Variants in EDNRB observed in about 807,000 individuals in gnomAD.
The protein encoded by EDNRB is endothelin receptor type B.
In EDNRB, 18 loss-of-function variants were observed where a neutral mutation model predicts 46.4. That is an observed-to-expected ratio of 0.39 (90% CI 0.27 to 0.57). The LOEUF (loss-of-function observed/expected upper bound fraction) is 0.57. Ranked by LOEUF, EDNRB falls within the 20% of genes least tolerant of loss-of-function variation. EDNRB has a pLI of 0.61. For missense variants in EDNRB, 434 were observed against 537.5 expected (o/e 0.81, Z 1.90); for synonymous variants, 213 against 204.9 (o/e 1.04, Z -0.34).
chr13:77,917,505 C>T (rs1755932474), intron 1 of EDNRB, among the ~76,000 whole-genome samples: 1 of 152,168 alleles, frequency 6.6e-6, no homozygotes, highest in South Asian at 2.1e-4. Context: ...GTGGGCATAT[C>T]AATCACATGA....
At chr13:77,957,983 T>G (rs528631423) in intron 1 of EDNRB, among the ~76,000 whole-genome samples, 1 of 152,204 alleles carries the variant, frequency 6.6e-6, no homozygotes, top group African/African-American at 2.4e-5. Context: ...CTTTTTAAAA[T>G]GTTGAGTGAT....
In EDNRB at chr13:77,898,109, G is replaced by GT. The variant is rs1159832275; in HGVS notation, c.*90dup. On this transcript the variant is annotated 3_prime_UTR_variant, in exon 7 of 7. Transcript: ENST00000646607. ...TAATAGTGTGCTGTGCAAATACATA[G>GT]TTTTTTGTTTTGTTTTGGCAAATGT... The GT allele has an allele frequency of 3.9e-6, 6 of 1,548,588 alleles. No homozygotes were observed. The highest frequency in any genetic ancestry group is 1.9e-5 in the Admixed American group (1 of 53,042).
intron 1 of EDNRB, among the ~76,000 whole-genome samples, chr13:77,940,460 A>T (rs1012859472): frequency 6.6e-6 from 1 of 152,148 alleles, no homozygotes; most frequent in African/African-American, 2.4e-5. Flanking sequence ...AATACATAAA[A>T]CCCTCTCATC....
upstream of EDNRB, among the ~76,000 whole-genome samples, chr13:77,923,039 A>G (rs768702254): frequency 1.1e-4 from 16 of 152,168 alleles, no homozygotes; most frequent in Non-Finnish European, 1.0e-4. Flanking sequence ...AACGTTATCA[A>G]TGATTGCTTG....
At chr13:77,904,180 C>G (rs567596249) in intron 1 of EDNRB, among the ~76,000 whole-genome samples, 30 of 151,772 alleles carry the variant, frequency 2.0e-4, no homozygotes, top group Non-Finnish European at 3.8e-4. Context: ...GCTGTAGGTC[C>G]TTCCTTATCC....
At chr13:77,936,492 T>C (rs1437183561) in intron 1 of EDNRB, among the ~76,000 whole-genome samples, 1 of 152,018 alleles carries the variant, frequency 6.6e-6, no homozygotes, top group Non-Finnish European at 1.5e-5. Context: ...CCATATTAAT[T>C]AAGAAGGGGG....
At chr13:77,900,025 A>G (rs1287278292) in intron 5 of EDNRB, 58 bp from the exon 6 acceptor site, 1 of 1,433,746 alleles carries the variant, frequency 7.0e-7, no homozygotes, top group African/African-American at 1.4e-5. Context: ...ACATGTAGTC[A>G]TTGTAGCTTC....
chr13:77,953,484 A>G (rs1052560149), intron 1 of EDNRB, among the ~76,000 whole-genome samples: 2 of 152,136 alleles, frequency 1.3e-5, no homozygotes, highest in Non-Finnish European at 2.9e-5. Context: ...TGAAGAGAGA[A>G]GGATTAGCCA....
intron 1 of EDNRB, among the ~76,000 whole-genome samples, chr13:77,933,707 A>G (rs4315250): frequency 0.9 from 136,304 of 152,070 alleles, 61,181 homozygotes; most frequent in East Asian, 0.98. Flanking sequence ...AAATTTTGGG[A>G]GATGGTATGG....
intron 3 of EDNRB, among the ~76,000 whole-genome samples, chr13:77,902,585 G>A (rs12720189): frequency 0.084 from 12,755 of 151,660 alleles, 710 homozygotes; most frequent in Non-Finnish European, 0.12. Context: ...TGTCCTTCCC[G>A]CTGAAACTAC....
At chr13:77,917,456 T>C (rs1879867455) in intron 1 of EDNRB, among the ~76,000 whole-genome samples, 1 of 152,232 alleles carries the variant, frequency 6.6e-6, no homozygotes. Flanking sequence ...TTGTACCTGC[T>C]ACTTTCAAAG....
intron 6 of EDNRB, among the ~76,000 whole-genome samples, chr13:77,898,563 CAACAAG>C (rs1356841789): frequency 1.3e-5 from 2 of 151,922 alleles, no homozygotes; most frequent in African/African-American, 4.8e-5. Context: ...TAAAATTTCT[CAACAAG>C]AGAAAGCCAC....
At chr13:77,950,174 G>A (rs558999450) in intron 1 of EDNRB, among the ~76,000 whole-genome samples, 1 of 152,274 alleles carries the variant, frequency 6.6e-6, no homozygotes, top group East Asian at 1.9e-4. Context: ...ACTTATCTAT[G>A]AATTTTCCCG....
chr13:77,951,338 G>A (rs1881083161), intron 1 of EDNRB, among the ~76,000 whole-genome samples: 1 of 152,074 alleles, frequency 6.6e-6, no homozygotes, highest in Non-Finnish European at 1.5e-5. Flanking sequence ...TACCATCTTA[G>A]TGCTTCTCAA....
At chr13:77,967,254 T>C (rs200950522) in intron 1 of EDNRB, among the ~76,000 whole-genome samples, 1 of 152,172 alleles carries the variant, frequency 6.6e-6, no homozygotes, top group Admixed American at 6.5e-5. Flanking sequence ...CCAACCTTTT[T>C]TTGTCTTCTT....
At position 77,898,207 on chromosome 13, in the gene EDNRB, G is replaced by C; in HGVS notation, c.1322C>G (p.Ser441Ter). The C allele has an allele frequency of 1.9e-6, 3 of 1,611,482 alleles. No homozygotes were observed. Among genetic ancestry groups the C allele is most frequent in the Non-Finnish European group, 2.5e-6 (3 of 1,178,556 alleles). The change falls in exon 7 of 7, where the codon TCA becomes TGA. Residue 441 changes from serine to a stop codon, truncating the protein, a stop_gained. Coordinates refer to ENST00000646607, the MANE Select transcript of EDNRB (RefSeq NM_001122659.3). LOFTEE classifies it high-confidence loss of function. ...CAGTGAATAGTTCTTCTTTCAAGAT[G>C]AGCTGTATTTATTACTGGAACGGAA... is the stretch of plus-strand genomic sequence containing the variant. ...DNFRSSNKYS[S>*]S
intron 1 of EDNRB, among the ~76,000 whole-genome samples, chr13:77,974,857 C>G (rs1033765494): frequency 6.6e-6 from 1 of 152,120 alleles, no homozygotes; most frequent in Non-Finnish European, 1.5e-5. Context: ...TCTAAGTTTT[C>G]CTGGTGTCAT....
chr13:77,913,069 T>C (rs1879650202), intron 1 of EDNRB, among the ~76,000 whole-genome samples: 1 of 152,164 alleles, frequency 6.6e-6, no homozygotes, highest in South Asian at 2.1e-4. Flanking sequence ...TAGTTAATTA[T>C]ACATAAACTT....
chr13:77,970,815 T>G (rs1368291802), intron 1 of EDNRB, among the ~76,000 whole-genome samples: 2 of 152,162 alleles, frequency 1.3e-5, no homozygotes, highest in Non-Finnish European at 2.9e-5. Flanking sequence ...TATAAAATAA[T>G]AAGGCCTTAG....
Sources: allele counts gnomAD v4.1 joint callset (sites outside exome capture counted in the v4.1 genomes callset), GRCh38; gene constraint gnomAD v4.1.1; transcripts MANE v1.5; gene names NCBI Gene and HGNC (gene_info 2026-07-23, HGNC 2026-07-21).